The following NEGR1 variants were observed in gnomAD, a reference collection of about 807,000 sequenced individuals.
NEGR1 encodes the protein neuronal growth regulator 1.
Under a neutral mutation model 40.9 loss-of-function variants are expected in NEGR1, and 10 were observed. That is an observed-to-expected ratio of 0.24 (90% confidence interval 0.15 to 0.42). NEGR1 has a LOEUF of 0.42. Among genes scored for constraint, NEGR1 ranks in the 10% least tolerant of loss-of-function variants. The pLI is 1.00. For synonymous variants in NEGR1, 185 were observed against 166.8 expected (o/e 1.11, Z -0.84); for missense variants, 352 against 438.9 (o/e 0.80, Z 1.77).
intron 1 of NEGR1, among the ~76,000 whole-genome samples, chr1:72,134,799 A>T (rs957180352): frequency 7.3e-5 from 11 of 151,450 alleles, no homozygotes; most frequent in Non-Finnish European, 1.3e-4. Context: ...GTGCAATGGC[A>T]CGTTCTCAGC....
intron 1 of NEGR1, among the ~76,000 whole-genome samples, chr1:72,022,552 C>T (rs1646770512): frequency 6.7e-6 from 1 of 149,774 alleles, no homozygotes; most frequent in East Asian, 1.9e-4. Context: ...TAAACACACA[C>T]ATATATATAT....
At chr1:71,898,902 T>C (rs1350429563) in intron 2 of NEGR1, among the ~76,000 whole-genome samples, 1 of 137,418 alleles carries the variant, frequency 7.3e-6, no homozygotes, top group East Asian at 2.1e-4. Flanking sequence ...ATTGCAAATA[T>C]ATATATATTG....
intron 1 of NEGR1, among the ~76,000 whole-genome samples, chr1:72,190,604 T>C (rs1353628687): frequency 6.6e-6 from 1 of 151,808 alleles, no homozygotes; most frequent in Middle Eastern, 3.4e-3. Flanking sequence ...ATGGTATTCC[T>C]AAACATATAC....
At chr1:71,768,946 T>C (rs1299934813) in intron 3 of NEGR1, among the ~76,000 whole-genome samples, 2 of 152,138 alleles carry the variant, frequency 1.3e-5, no homozygotes, top group Admixed American at 6.5e-5. Context: ...TTGTAAGACA[T>C]GCCTACTTCC....
chr1:72,169,303 T>C (rs2630431), intron 1 of NEGR1, among the ~76,000 whole-genome samples: 78,917 of 151,892 alleles, frequency 0.52, 21,245 homozygotes, highest in East Asian at 0.83. Context: ...TAGCTATCTT[T>C]TTGTGAAAAA....
intron 6 of NEGR1, chr1:71,570,828 T>A (rs942527238): frequency 1.1e-4 from 17 of 151,700 alleles, no homozygotes; most frequent in African/African-American, 3.9e-4. Flanking sequence ...AATGGAGAAT[T>A]TCGCTTGTAG....
rs147941036 is a variant in NEGR1, at chr1:71,670,831, G to T, written c.667+27177C>A. 2.7e-3 allele frequency among the ~76,000 whole-genome samples: 413 copies of T among 151,976 alleles called. 1 individual carries two copies. Among genetic ancestry groups the T allele is most frequent in the African/African-American group, 9.5e-3 (395 of 41,448 alleles). On this transcript the variant is annotated intron_variant, in intron 4 of 6. Coordinates refer to ENST00000357731, the MANE Select transcript of NEGR1 (RefSeq NM_173808.3). ...ATCAAATCAGTATTCTCAGGCTCCT[G>T]CCCTCAACCTCAAATCAGCAGATGC...
chr1:71,874,214 C>T (rs886456948), intron 2 of NEGR1, among the ~76,000 whole-genome samples: 2 of 152,116 alleles, frequency 1.3e-5, no homozygotes, highest in African/African-American at 4.8e-5. Context: ...GTTATTAAGA[C>T]AGCTTTTAGA....
intron 2 of NEGR1, among the ~76,000 whole-genome samples, chr1:71,879,247 T>G (rs1660518397): frequency 6.6e-6 from 1 of 152,188 alleles, no homozygotes; most frequent in African/African-American, 2.4e-5. Flanking sequence ...TATTTCTTTT[T>G]GTTTGTGCCT....
chr1:72,261,463 T>A (rs1490888550), intron 1 of NEGR1, among the ~76,000 whole-genome samples: 1 of 152,094 alleles, frequency 6.6e-6, no homozygotes, highest in Non-Finnish European at 1.5e-5. Flanking sequence ...TTATTAAAAC[T>A]ATATATTTGT....
chr1:71,490,703 G>C (rs1028214059), intron 6 of NEGR1, among the ~76,000 whole-genome samples: 4 of 151,956 alleles, frequency 2.6e-5, no homozygotes, highest in African/African-American at 7.2e-5. Context: ...CTTCACTGAT[G>C]AAACGAAACA....
At chr1:71,474,733 A>C (rs927181270) in intron 6 of NEGR1, among the ~76,000 whole-genome samples, 12 of 148,430 alleles carry the variant, frequency 8.1e-5, no homozygotes, top group South Asian at 2.1e-4. Flanking sequence ...AAAAAAAAAA[A>C]AAAAACAAAA....
At chr1:71,936,795 A>G (rs1422522686) in intron 1 of NEGR1, among the ~76,000 whole-genome samples, 10 of 152,186 alleles carry the variant, frequency 6.6e-5, no homozygotes, top group Non-Finnish European at 1.3e-4. Context: ...TTTCAAAAAT[A>G]CAGCATTGTG....
chr1:71,949,623 C>T (rs1646051313), intron 1 of NEGR1, among the ~76,000 whole-genome samples: 1 of 152,074 alleles, frequency 6.6e-6, no homozygotes, highest in Non-Finnish European at 1.5e-5. Context: ...GTAGGAGAGG[C>T]AGCATTAACA....
At chr1:71,790,038 C>T (rs996936569) in intron 2 of NEGR1, among the ~76,000 whole-genome samples, 11 of 151,978 alleles carry the variant, frequency 7.2e-5, no homozygotes, top group African/African-American at 2.7e-4. Context: ...ATTAGCTATG[C>T]CAAAATAACC....
chr1:71,955,899 G>A (rs890522569), intron 1 of NEGR1, among the ~76,000 whole-genome samples: 22 of 152,112 alleles, frequency 1.4e-4, no homozygotes, highest in African/African-American at 5.1e-4. Flanking sequence ...TAAACAAAAC[G>A]TAGTTCTTTG....
At chr1:71,582,919 G>C (rs1432828527) in intron 6 of NEGR1, among the ~76,000 whole-genome samples, 2 of 152,026 alleles carry the variant, frequency 1.3e-5, no homozygotes, top group Non-Finnish European at 2.9e-5. Flanking sequence ...ATCAATTTTG[G>C]GTAAGCTAAG....
chr1:72,128,879 A>T (rs1650132800), intron 1 of NEGR1, among the ~76,000 whole-genome samples: 1 of 152,156 alleles, frequency 6.6e-6, no homozygotes, highest in African/African-American at 2.4e-5. Context: ...TCAAAATGTT[A>T]ATAGCCTAAA....
At chr1:71,831,236 A>G (rs879304642) in intron 2 of NEGR1, among the ~76,000 whole-genome samples, 26 of 152,086 alleles carry the variant, frequency 1.7e-4, no homozygotes, top group Admixed American at 6.6e-4. Flanking sequence ...CAAATCACCA[A>G]GTACTCAATA....
Sources: allele counts gnomAD v4.1 joint callset (sites outside exome capture counted in the v4.1 genomes callset), GRCh38; gene constraint gnomAD v4.1.1; transcripts MANE v1.5; gene names NCBI Gene and HGNC (gene_info 2026-07-23, HGNC 2026-07-21).